TIAM1: variants seen among roughly 807,000 people sequenced by gnomAD.
The protein encoded by TIAM1 is TIAM Rac1 associated GEF 1, also known as rho guanine nucleotide exchange factor TIAM1.
A neutral mutation model predicts 163.5 loss-of-function variants in TIAM1; 65 were observed. The observed-to-expected ratio is 0.40, with a 90% confidence interval of 0.33 to 0.49. The LOEUF (loss-of-function observed/expected upper bound fraction) is 0.49, where lower values mean the gene tolerates loss of function less well. Ranked by LOEUF, TIAM1 falls within the 20% of genes least tolerant of loss-of-function variation. The pLI is 0.77. For missense variants in TIAM1, 1,789 were observed against 2,044.7 expected, an observed-to-expected ratio of 0.87 and a Z score of 2.41; for synonymous variants, 833 against 810.1, an observed-to-expected ratio of 1.03 and a Z score of -0.48.
intron 1 of TIAM1, among the ~76,000 whole-genome samples, chr21:31,339,894 T>C (rs1197862183): frequency 1.3e-5 from 2 of 152,122 alleles, no homozygotes; most frequent in Non-Finnish European, 2.9e-5. Flanking sequence ...GAAGTGGGTG[T>C]TGCAAAATAC....
At chr21:31,340,460 C>A (rs1185253524) in intron 1 of TIAM1, among the ~76,000 whole-genome samples, 1 of 152,114 alleles carries the variant, frequency 6.6e-6, no homozygotes, top group Non-Finnish European at 1.5e-5. Context: ...AAAAAGTACT[C>A]CAAGGTCTGT....
rs1345547213 is a variant in TIAM1, at chr21:31,415,138, A to G, written c.-369+48845T>C. Among the ~76,000 whole-genome samples the G allele has an allele frequency of 2.0e-5, 3 of 152,230 alleles. No homozygotes were observed. In the East Asian group the frequency reaches 5.8e-4, roughly 29 times the overall value. ...AAACAAATGGGAGAGCCTCAGCTAT[A>G]GAATGTCTTCTTACCCAACGGCCCC... On this transcript the variant is annotated intron_variant, in intron 2 of 28. Coordinates refer to the TIAM1 transcript ENST00000286827.
rs1256655497 is a variant in TIAM1, at chr21:31,290,471, T to TA, written c.-188-13564dup. 8.6e-5 allele frequency among the ~76,000 whole-genome samples: 13 copies of TA among 150,398 alleles called. 2 individuals carry two copies. In the South Asian group the frequency reaches 2.1e-3, roughly 24 times the overall value. On this transcript the variant is annotated intron_variant, in intron 2 of 27. Transcript: ENST00000541036. ...CAACATGGTGAAACCTCATCTCTAC[T>TA]AAAAAAAAGAAAAAAATATATAAAA...
At chr21:31,439,565 C>T (rs183969874) in intron 2 of TIAM1, among the ~76,000 whole-genome samples, 1 of 152,376 alleles carries the variant, frequency 6.6e-6, no homozygotes, top group East Asian at 1.9e-4. Context: ...GCTGGCATTA[C>T]AGGCATGGGC....
Position 31,488,804 on chromosome 21 carries a change from CA to C in TIAM1, c.-421-24770del, listed in dbSNP as rs532303698. 1.5e-4 allele frequency among the ~76,000 whole-genome samples: 22 copies of C among 151,414 alleles called. 1 individual carries two copies. The South Asian group carries it at 4.6e-3, about 32-fold the overall frequency. ...TCAAGGTGAGATTTGGGTGGGGACA[CA>C]AATCTTATCCGGAAGGGAGAGGAGG... On this transcript the variant is annotated intron_variant, in intron 1 of 28. Coordinates refer to the TIAM1 transcript ENST00000286827.
In TIAM1 at chr21:31,187,096, C is replaced by T. The variant is rs751354724; in HGVS notation, c.2576-9G>A. ...AGAAGAAAGTGAAAACCCTGTGAAACACAAAAAGACAGAATGGCAGGGCTC... is the reference window on the plus strand; with the variant it reads ...AGAAGAAAGTGAAAACCCTGTGAAATACAAAAAGACAGAATGGCAGGGCTC... On this transcript the variant is annotated splice_polypyrimidine_tract_variant and intron_variant, in intron 13 of 27. Transcript: ENST00000541036. 13 of 1,613,606 alleles carry T rather than the reference C, an allele frequency of 8.1e-6. No individual in the cohort carries two copies. Among genetic ancestry groups the T allele is most frequent in the Non-Finnish European group, 1.1e-5 (13 of 1,179,654 alleles).
intron 2 of TIAM1, among the ~76,000 whole-genome samples, chr21:31,288,679 A>G (rs865868879): frequency 1.3e-5 from 2 of 152,186 alleles, no homozygotes; most frequent in African/African-American, 2.4e-5. Context: ...AGACACAAAT[A>G]ATGGCCAATT....
intron 4 of TIAM1, among the ~76,000 whole-genome samples, chr21:31,262,769 G>C (rs1198606680): frequency 6.6e-6 from 1 of 152,130 alleles, no homozygotes; most frequent in Non-Finnish European, 1.5e-5. Flanking sequence ...TCCAGGCTTA[G>C]AGGTCATGCT....
intron 2 of TIAM1, among the ~76,000 whole-genome samples, chr21:31,289,571 G>A (rs2073936389): frequency 6.6e-6 from 1 of 152,152 alleles, no homozygotes; most frequent in South Asian, 2.1e-4. Flanking sequence ...AGATATTTTG[G>A]CTGTACAACA....
intron 16 of TIAM1, among the ~76,000 whole-genome samples, chr21:31,157,554 T>C (rs925868369): frequency 3.3e-5 from 5 of 152,112 alleles, no homozygotes; most frequent in African/African-American, 1.2e-4. Flanking sequence ...CTGGAGCCTA[T>C]CTTGACAGCT....
intron 1 of TIAM1, among the ~76,000 whole-genome samples, chr21:31,526,994 G>A (rs557713216): frequency 2.0e-5 from 3 of 152,054 alleles, no homozygotes; most frequent in Non-Finnish European, 2.9e-5. Flanking sequence ...GAGCCACCAC[G>A]CCTGGCCAAA....
At chr21:31,466,430 C>A (rs1199409241) in intron 1 of TIAM1, among the ~76,000 whole-genome samples, 1 of 151,362 alleles carries the variant, frequency 6.6e-6, no homozygotes, top group Non-Finnish European at 1.5e-5. Flanking sequence ...CTAAACTCAT[C>A]TAGCAGCTCT....
intron 1 of TIAM1, among the ~76,000 whole-genome samples, chr21:31,545,009 T>C (rs1467974328): frequency 6.7e-6 from 1 of 150,110 alleles, no homozygotes; most frequent in Non-Finnish European, 1.5e-5. Context: ...TGAGACTCCG[T>C]CTCAAAAAAA....
At chr21:31,360,635 T>G (rs945766662) in intron 2 of TIAM1, among the ~76,000 whole-genome samples, 1 of 152,188 alleles carries the variant, frequency 6.6e-6, no homozygotes, top group African/African-American at 2.4e-5. Context: ...TGTTTGCGAC[T>G]CATGCAACTG....
At chr21:31,177,427 T>C (rs2084811761) in intron 15 of TIAM1, among the ~76,000 whole-genome samples, 1 of 152,148 alleles carries the variant, frequency 6.6e-6, no homozygotes, top group African/African-American at 2.4e-5. Flanking sequence ...GCCAACATGG[T>C]GAAACCCTGT....
At chr21:31,222,676 CATATATATATATATATATAT>C (rs146567405) in intron 8 of TIAM1, among the ~76,000 whole-genome samples, 6 of 48,226 alleles carry the variant, frequency 1.2e-4, no homozygotes, top group Non-Finnish European at 2.3e-4. Flanking sequence ...TGTACACATA[CATATATATATATATATATAT>C]ATATATATAT....
chr21:31,509,517 C>T (rs2047141131), intron 1 of TIAM1, among the ~76,000 whole-genome samples: 1 of 152,202 alleles, frequency 6.6e-6, no homozygotes, highest in Admixed American at 6.5e-5. Flanking sequence ...CCACTGTCAA[C>T]ACAAACACCC....
chr21:31,527,240 A>T (rs928391362), intron 1 of TIAM1, among the ~76,000 whole-genome samples: 3 of 151,500 alleles, frequency 2.0e-5, no homozygotes, highest in Non-Finnish European at 2.9e-5. Flanking sequence ...TTAAGCTGAA[A>T]CTCCTCCGTG....
At chr21:31,485,441 C>T (rs1486132380) in intron 1 of TIAM1, among the ~76,000 whole-genome samples, 3 of 151,972 alleles carry the variant, frequency 2.0e-5, no homozygotes, top group South Asian at 2.1e-4. Context: ...GTGCTCATTC[C>T]GAGACAAAAA....
Sources: allele counts gnomAD v4.1 joint callset (sites outside exome capture counted in the v4.1 genomes callset), GRCh38; gene constraint gnomAD v4.1.1; transcripts MANE v1.5; gene names NCBI Gene and HGNC (gene_info 2026-07-23, HGNC 2026-07-21).